KDM2B: variants seen among roughly 807,000 people sequenced by gnomAD.
The protein encoded by KDM2B is lysine-specific demethylase 2B.
KDM2B carries 26 observed loss-of-function variants against 150.0 expected under a neutral mutation model. The observed-to-expected ratio is 0.17, with a 90% CI of 0.13 to 0.24. The LOEUF (loss-of-function observed/expected upper bound fraction) is 0.24. Among genes scored for constraint, KDM2B ranks in the 10% least tolerant of loss-of-function variants. The pLI, the probability that KDM2B is intolerant of heterozygous loss-of-function variation, is 1.00. For synonymous variants in KDM2B, 734 were observed against 729.5 expected, an observed-to-expected ratio of 1.01 and a Z score of -0.10; for missense variants, 1,265 against 1,816.9, an observed-to-expected ratio of 0.70 and a Z score of 5.52.
At chr12:121,443,962 G>T (rs782746635) in intron 16 of KDM2B, 50 bp downstream of exon 16, 7 of 1,522,594 alleles carry the variant, frequency 4.6e-6, no homozygotes, top group Non-Finnish European at 6.2e-6. Context: ...CCCAGCACCC[G>T]GGACCAGCCA....
At position 121,452,347 on chromosome 12, in the gene KDM2B, G is replaced by A. The variant is rs1221137238; in HGVS notation, c.1959+773C>T. 6.6e-6 allele frequency among the ~76,000 whole-genome samples: 1 copy of A among 152,228 alleles called. No homozygotes were observed. Among genetic ancestry groups the A allele is most frequent in the Non-Finnish European group, 1.5e-5 (1 of 68,040 alleles). On this transcript the variant is annotated intron_variant, in intron 13 of 22. Coordinates refer to ENST00000377071, the MANE Select transcript of KDM2B (RefSeq NM_032590.5). The surrounding 1 kb of genome is among the most constrained non-coding windows in gnomAD (Gnocchi z 4.4). ...ATATGCGTGGAAGGAGATGGCTGAG[G>A]TGTCTGGGCCTGCGGGGCATCGACA...
At chr12:121,500,833 G>C (rs1593964353) in intron 11 of KDM2B, among the ~76,000 whole-genome samples, 1 of 152,216 alleles carries the variant, frequency 6.6e-6, no homozygotes, top group Non-Finnish European at 1.5e-5. Flanking sequence ...AGGCACAGTG[G>C]CTCCCGCCTG....
intron 22 of KDM2B, among the ~76,000 whole-genome samples, chr12:121,435,813 G>C (rs58849369): frequency 0.34 from 52,280 of 152,032 alleles, 9,721 homozygotes; most frequent in East Asian, 0.44. Flanking sequence ...ATGGAAAGAT[G>C]TGATGTCCAG....
chr12:121,416,516 G>T, the KDM2B span: 1 of 638,798 alleles, frequency 1.6e-6, no homozygotes, highest in East Asian at 2.8e-5. Flanking sequence ...TTTCCATCTA[G>T]AAAAATACTT....
chr12:121,516,969 G>C (rs1010472777), intron 9 of KDM2B: 9 of 626,462 alleles, frequency 1.4e-5, no homozygotes, highest in Non-Finnish European at 2.5e-5. Flanking sequence ...AGATTCAGTG[G>C]CTGTAAGGGA....
At chr12:121,544,733 T>TG (rs1888884349) in intron 6 of KDM2B, among the ~76,000 whole-genome samples, 2 of 152,032 alleles carry the variant, frequency 1.3e-5, no homozygotes, top group South Asian at 4.1e-4. Flanking sequence ...GCCAACATGG[T>TG]GAAACCCTGT....
chr12:121,441,307 T>G, intron 19 of KDM2B, 74 bp from the exon 20 acceptor site: 1 of 1,444,372 alleles, frequency 6.9e-7, no homozygotes, highest in Non-Finnish European at 9.5e-7. Flanking sequence ...AGCTCTTAAC[T>G]GTCCCCACCT....
chr12:121,489,148 T>G (rs1883083143), intron 12 of KDM2B, among the ~76,000 whole-genome samples: 1 of 152,148 alleles, frequency 6.6e-6, no homozygotes, highest in Non-Finnish European at 1.5e-5. Context: ...TTTCACCATG[T>G]TGGCCAGGCT....
At chr12:121,556,300 T>C (rs1196528192) in intron 4 of KDM2B, among the ~76,000 whole-genome samples, 1 of 151,868 alleles carries the variant, frequency 6.6e-6, no homozygotes, top group Non-Finnish European at 1.5e-5. Context: ...TGGCTCACTG[T>C]AGCCTCAAAC....
At chr12:121,417,785 C>T in the KDM2B span, 2 of 1,614,100 alleles carry the variant, frequency 1.2e-6, no homozygotes, top group Admixed American at 3.3e-5. The surrounding 1 kb of genome is among the most constrained non-coding windows in gnomAD (Gnocchi z 5.0). Context: ...CTTCAAGGTC[C>T]CAGACTTCTA....
chr12:121,525,369 C>T (rs1301012136), intron 8 of KDM2B, among the ~76,000 whole-genome samples: 3 of 152,088 alleles, frequency 2.0e-5, no homozygotes, highest in Non-Finnish European at 4.4e-5. Flanking sequence ...CAGGTTCAAG[C>T]CATTCTCCTG....
At chr12:121,538,231 G>A (rs1293154224) in intron 6 of KDM2B, among the ~76,000 whole-genome samples, 2 of 151,990 alleles carry the variant, frequency 1.3e-5, no homozygotes, top group Non-Finnish European at 2.9e-5. Context: ...CCCCTCGCCC[G>A]GCCGGTGGGG....
chr12:121,440,338 T>A, intron 21 of KDM2B: 1 of 512,180 alleles, frequency 2.0e-6, no homozygotes, highest in South Asian at 2.1e-5. Flanking sequence ...AGCCAACCAG[T>A]GCAGAGGCTG....
chr12:121,444,295 T>C (rs3817551), intron 15 of KDM2B, 23 bp from the exon 16 acceptor site: 2 of 1,612,082 alleles, frequency 1.2e-6, no homozygotes, highest in Non-Finnish European at 8.5e-7. Flanking sequence ...AAAGAGAGAA[T>C]GAACAGACCA....
chr12:121,481,928 G>A (rs782725582), intron 12 of KDM2B, among the ~76,000 whole-genome samples: 3 of 152,066 alleles, frequency 2.0e-5, no homozygotes, highest in Non-Finnish European at 2.9e-5. Context: ...ACGGGCACCC[G>A]GCACCACATC....
chr12:121,421,985 T>C, the KDM2B span, among the ~76,000 whole-genome samples: 4 of 152,194 alleles, frequency 2.6e-5, no homozygotes, highest in Non-Finnish European at 5.9e-5. Flanking sequence ...GTCACAGTGG[T>C]AGATGCAGGA....
chr12:121,567,901 G>T (rs1026075027), intron 4 of KDM2B, among the ~76,000 whole-genome samples: 2 of 151,608 alleles, frequency 1.3e-5, no homozygotes. Flanking sequence ...GCTAATTTTT[G>T]TATTTTTAGT....
chr12:121,580,253 G>A (rs569810348), intron 1 of KDM2B: 31 of 587,136 alleles, frequency 5.3e-5, no homozygotes, highest in South Asian at 1.2e-4. Flanking sequence ...CAGCAGTTGT[G>A]GGGGGGGGGA....
chr12:121,428,785 C>T (rs1351644537), downstream of KDM2B, among the ~76,000 whole-genome samples: 1 of 152,226 alleles, frequency 6.6e-6, no homozygotes, highest in Non-Finnish European at 1.5e-5. Flanking sequence ...CTACAGCCAC[C>T]ATGGCCCAAG....
Sources: gnomAD v4.1 joint callset for allele counts (sites outside exome capture counted in the v4.1 genomes callset) on GRCh38, gnomAD v4.1.1 for gene constraint, Gnocchi (gnomAD v3.1) non-coding constraint, MANE v1.5 for transcripts, NCBI Gene and HGNC (gene_info 2026-07-23, HGNC 2026-07-21) for gene names.